Variants in SPTLC1 observed in about 807,000 individuals in gnomAD.
SPTLC1 encodes serine palmitoyltransferase 1.
SPTLC1 carries 55 observed loss-of-function variants against 68.9 expected under a neutral mutation model. The ratio of observed to expected loss-of-function variants is 0.80; its 90% CI spans 0.64 to 1.00. The LOEUF is 1.00. SPTLC1 is among the 50% of genes least tolerant of loss of function. The probability of loss-of-function intolerance (pLI) is 0.00; values close to 1 mark genes in which losing one functional copy is unlikely to be tolerated. For synonymous variants in SPTLC1, 197 were observed against 201.6 expected (o/e 0.98, Z 0.19); for missense variants, 449 against 573.1 (o/e 0.78, Z 2.21).
At chr9:92,060,663 T>C (rs890359250) in intron 6 of SPTLC1, among the ~76,000 whole-genome samples, 3 of 151,690 alleles carry the variant, frequency 2.0e-5, no homozygotes, top group African/African-American at 4.8e-5. Context: ...TCCCAGCACT[T>C]TGGGAGGCCA....
chr9:92,044,064 G>A (rs895528945), intron 12 of SPTLC1, among the ~76,000 whole-genome samples: 2 of 152,180 alleles, frequency 1.3e-5, no homozygotes, highest in Non-Finnish European at 2.9e-5. Flanking sequence ...TTACTGTGAG[G>A]TGCCATGGAG....
At chr9:92,092,450 C>T (rs999293787) in intron 3 of SPTLC1, among the ~76,000 whole-genome samples, 1 of 152,074 alleles carries the variant, frequency 6.6e-6, no homozygotes, top group Non-Finnish European at 1.5e-5. Flanking sequence ...GCCTACAGGC[C>T]GGGTGCAGTG....
intron 7 of SPTLC1, among the ~76,000 whole-genome samples, chr9:92,057,293 C>A (rs1833927931): frequency 6.6e-6 from 1 of 152,134 alleles, no homozygotes; most frequent in Non-Finnish European, 1.5e-5. Context: ...TTTTTCATAT[C>A]ACAATATGAA....
intron 6 of SPTLC1, among the ~76,000 whole-genome samples, chr9:92,063,549 CA>C (rs1426411541): frequency 5.3e-5 from 8 of 151,520 alleles, no homozygotes; most frequent in Non-Finnish European, 1.2e-4. Context: ...AAGTAAGTAT[CA>C]AAAAAAGTGT....
chr9:92,086,288 A>T (rs1835127235), intron 3 of SPTLC1, among the ~76,000 whole-genome samples: 2 of 152,012 alleles, frequency 1.3e-5, no homozygotes, highest in East Asian at 3.9e-4. Context: ...TGTCATTATG[A>T]TGTTAGCTGG....
chr9:92,065,083 A>G (rs114952555), intron 6 of SPTLC1, among the ~76,000 whole-genome samples: 1,534 of 152,346 alleles, frequency 0.01, 26 homozygotes, highest in African/African-American at 0.036. Flanking sequence ...CCTCACTGGA[A>G]GAGACTTAGT....
At chr9:92,097,562 G>T (rs1835575963) in intron 3 of SPTLC1, among the ~76,000 whole-genome samples, 2 of 152,280 alleles carry the variant, frequency 1.3e-5, no homozygotes, top group East Asian at 3.9e-4. Flanking sequence ...TTAAGTGAAA[G>T]AACCCAGAAA....
rs1374856734 is a variant in SPTLC1, at chr9:92,083,830, G to A, written c.261-2867C>T. On this transcript the variant is annotated intron_variant, in intron 3 of 14. Transcript: ENST00000262554. ...GCATTGAATCTATAAATTACCTGGG[G>A]AAGTATGGCCATTTTCACAATATTG... Among the ~76,000 whole-genome samples, 267 of 151,956 alleles carry A rather than the reference G, an allele frequency of 1.8e-3. 1 individual carries two copies. Among genetic ancestry groups the A allele is most frequent in the African/African-American group, 5.9e-3 (243 of 41,228 alleles).
intron 5 of SPTLC1, among the ~76,000 whole-genome samples, chr9:92,077,956 C>T (rs1458588265): frequency 6.6e-6 from 1 of 152,100 alleles, no homozygotes; most frequent in African/African-American, 2.4e-5. Context: ...TCAACCTCAC[C>T]CACTCCCTCC....
At position 92,105,162 on chromosome 9, in the gene SPTLC1, G is replaced by C. The variant is rs1835909502; in HGVS notation, c.260+3578C>G. The C allele has an allele frequency of 3.9e-6, 6 of 1,533,866 alleles. No homozygotes were observed. In the South Asian group the frequency reaches 6.0e-5, roughly 15 times the overall value. ...TCTCCACCCAGAGCTGCCGGCCACA[G>C]GTCCCGCAAAAGAAAACTGTCGGGG... On this transcript the variant is annotated intron_variant, in intron 3 of 14. Transcript: ENST00000262554.
intron 3 of SPTLC1, among the ~76,000 whole-genome samples, chr9:92,088,325 C>G (rs1266374557): frequency 6.6e-6 from 1 of 152,268 alleles, no homozygotes; most frequent in Non-Finnish European, 1.5e-5. Context: ...GCAGAAATCA[C>G]CCGTCTTCTG....
intron 8 of SPTLC1, chr9:92,055,144 T>G: frequency 1.5e-5 from 12 of 795,390 alleles, no homozygotes; most frequent in Non-Finnish European, 1.5e-5. Context: ...AAGGATCACT[T>G]GAGCCCAGGA....
intron 5 of SPTLC1, chr9:92,077,095 C>T (rs948066744): frequency 1.3e-5 from 2 of 152,164 alleles, no homozygotes; most frequent in African/African-American, 4.8e-5. Context: ...ACTTACCCTC[C>T]AGCTTAAAAA....
chr9:92,078,866 A>T lies in SPTLC1; in HGVS notation c.427+1150T>A, dbSNP rs185303800. On this transcript the variant is annotated intron_variant, in intron 5 of 14. Coordinates refer to ENST00000262554, the MANE Select transcript of SPTLC1 (RefSeq NM_006415.4). ...TCCAAGACAAATAATGTAATCACCA[A>T]ACTAGCTTAGGGATAACATAAGGTG... 3.0e-3 allele frequency among the ~76,000 whole-genome samples: 451 copies of T among 152,366 alleles called. 3 individuals are homozygous for T. The highest frequency in any genetic ancestry group is 0.01 in the African/African-American group (427 of 41,576).
At chr9:92,039,325 A>G (rs1030684997) in intron 12 of SPTLC1, among the ~76,000 whole-genome samples, 1 of 152,190 alleles carries the variant, frequency 6.6e-6, no homozygotes, top group Non-Finnish European at 1.5e-5. Flanking sequence ...AGAAAGATAG[A>G]TCTTTAGGGG....
At chr9:92,033,071 TAC>T (rs1833026724) in intron 14 of SPTLC1, among the ~76,000 whole-genome samples, 3 of 152,154 alleles carry the variant, frequency 2.0e-5, no homozygotes, top group Admixed American at 1.3e-4. Flanking sequence ...ACTTTCTCAC[TAC>T]TGTGGCAGGT....
intron 12 of SPTLC1, among the ~76,000 whole-genome samples, chr9:92,041,383 G>C (rs1218518047): frequency 6.6e-6 from 1 of 152,160 alleles, no homozygotes; most frequent in African/African-American, 2.4e-5. Flanking sequence ...ACAGTGCAAT[G>C]AGACAGTGCA....
At position 92,032,379 on chromosome 9, in the gene SPTLC1, CTCTT is replaced by C; in HGVS notation, c.*82_*85del. The C allele has an allele frequency of 6.8e-6, 11 of 1,606,294 alleles. No homozygotes were observed. Among genetic ancestry groups the C allele is most frequent in the Non-Finnish European group, 8.5e-6 (10 of 1,177,184 alleles). On this transcript the variant is annotated 3_prime_UTR_variant, in exon 15 of 15. Coordinates refer to ENST00000262554, the MANE Select transcript of SPTLC1 (RefSeq NM_006415.4). Reference sequence around the variant, plus strand: ...TATCAAAGATCCACATGTTCTTGCTCTCTTTCAGGCCACTCCATGGCCAGCGGGA... The same window carrying C: ...TATCAAAGATCCACATGTTCTTGCTCTCAGGCCACTCCATGGCCAGCGGGA...
chr9:92,104,277 T>C, intron 3 of SPTLC1: 1 of 1,352,644 alleles, frequency 7.4e-7, no homozygotes, highest in Non-Finnish European at 9.5e-7. Flanking sequence ...CTGCTCGTCT[T>C]GTCCGTGAGG....
Sources: gnomAD v4.1 joint callset for allele counts (sites outside exome capture counted in the v4.1 genomes callset) on GRCh38, gnomAD v4.1.1 for gene constraint, MANE v1.5 for transcripts, NCBI Gene and HGNC (gene_info 2026-07-23, HGNC 2026-07-21) for gene names.